Variants in DST observed in about 807,000 individuals in gnomAD.
The protein encoded by DST is dystonin, also known as bullous pemphigoid antigen.
DST carries 253 observed loss-of-function variants against 875.2 expected under a neutral mutation model. The observed-to-expected ratio is 0.29, with a 90% CI of 0.26 to 0.32. The LOEUF (loss-of-function observed/expected upper bound fraction) is 0.32. Ranked by LOEUF, DST falls within the 10% of genes least tolerant of loss-of-function variation. DST has a pLI of 1.00. For synonymous variants in DST, 3,124 were observed against 3,197.1 expected (o/e 0.98, Z 0.77); for missense variants, 8,287 against 9,111.6 (o/e 0.91, Z 3.68).
intron 4 of DST, among the ~76,000 whole-genome samples, chr6:56,739,980 G>C (rs1446622994): frequency 6.6e-6 from 1 of 152,150 alleles, no homozygotes; most frequent in Non-Finnish European, 1.5e-5. Flanking sequence ...TCTTGTCTCA[G>C]CCTCCTGAGT....
intron 2 of DST, among the ~76,000 whole-genome samples, chr6:56,908,478 T>C (rs1197173367): frequency 1.3e-5 from 2 of 152,208 alleles, no homozygotes; most frequent in Non-Finnish European, 1.5e-5. Flanking sequence ...CCAAAAGTCA[T>C]CATAGATTTA....
intron 3 of DST, among the ~76,000 whole-genome samples, chr6:56,880,620 G>A (rs985979179): frequency 5.3e-5 from 8 of 151,290 alleles, no homozygotes; most frequent in African/African-American, 7.3e-5. Flanking sequence ...CCAGGAGGTG[G>A]AGGTTGCAGT....
At chr6:56,786,046 A>G (rs2099704740) in intron 4 of DST, among the ~76,000 whole-genome samples, 1 of 152,170 alleles carries the variant, frequency 6.6e-6, no homozygotes, top group South Asian at 2.1e-4. Flanking sequence ...GCTCATTTTC[A>G]TGTCCCCAGC....
At chr6:56,595,015 A>C (rs1161159139) in intron 47 of DST, among the ~76,000 whole-genome samples, 2 of 152,212 alleles carry the variant, frequency 1.3e-5, no homozygotes, top group African/African-American at 4.8e-5. Context: ...GGCATCAGGT[A>C]GGTGAAGTCC....
In DST at chr6:56,608,747, ATGTTATTCTACCTCCTTCT is replaced by A. The variant is rs755540199; in HGVS notation, c.5862_5880del (p.Gln1954HisfsTer2). ...ATGCTTATGTTTCTTCCACATTTTA[ATGTTATTCTACCTCCTTCT>A]TGTGGTCTCACAGGTAGAAGCCACA... On this transcript the variant is annotated frameshift_variant, in exon 40 of 104. Coordinates refer to ENST00000680361, the MANE Select transcript of DST (RefSeq NM_001374736.1). LOFTEE classifies it high-confidence loss of function. 6.2e-7 allele frequency: 1 copy of A among 1,609,824 alleles called. No homozygotes were observed. Among genetic ancestry groups the A allele is most frequent in the Non-Finnish European group, 8.5e-7 (1 of 1,177,852 alleles).
At chr6:56,465,480 G>A (rs1417254659) in intron 99 of DST, among the ~76,000 whole-genome samples, 2 of 152,012 alleles carry the variant, frequency 1.3e-5, no homozygotes, top group South Asian at 2.1e-4. Context: ...ATTGACAGAA[G>A]GATCTCAAAA....
At chr6:56,567,052 T>C (rs1318978850) in intron 55 of DST, among the ~76,000 whole-genome samples, 1 of 152,160 alleles carries the variant, frequency 6.6e-6, no homozygotes, top group East Asian at 1.9e-4. Flanking sequence ...GGAATAATAA[T>C]ACCTAACTGT....
At chr6:56,773,464 T>C (rs1590003525) in intron 4 of DST, among the ~76,000 whole-genome samples, 1 of 152,024 alleles carries the variant, frequency 6.6e-6, no homozygotes, top group South Asian at 2.1e-4. Flanking sequence ...ATACACTATA[T>C]CTCTAAGTCA....
At chr6:56,541,232 C>G (rs1379713273) in intron 61 of DST, 1 of 152,572 alleles carries the variant, frequency 6.6e-6, no homozygotes, top group East Asian at 1.9e-4. Context: ...AATGATATCA[C>G]TATTTAGTTT....
intron 9 of DST, among the ~76,000 whole-genome samples, chr6:56,688,958 C>G (rs1232855159): frequency 6.6e-6 from 1 of 152,086 alleles, no homozygotes; most frequent in East Asian, 1.9e-4. Context: ...AAATTTAAAA[C>G]TGGAAAAGAG....
intron 5 of DST, among the ~76,000 whole-genome samples, chr6:56,727,660 C>T (rs2099469202): frequency 6.6e-6 from 1 of 152,152 alleles, no homozygotes; most frequent in South Asian, 2.1e-4. Context: ...AAATTTATGG[C>T]TACATAACAA....
rs189007475 is a variant in DST, at chr6:56,778,451, T to C, written c.626-43162A>G. 2.9e-3 allele frequency among the ~76,000 whole-genome samples: 441 copies of C among 151,736 alleles called. 2 individuals carry two copies. The highest frequency in any genetic ancestry group is 4.2e-3 in the Non-Finnish European group (288 of 67,964). ...ACAACGTGCAGGTTAGTTACATATG[T>C]ATACATATGCCATGTTGGTATGCTG... On this transcript the variant is annotated intron_variant, in intron 4 of 103. Transcript: ENST00000680361.
intron 4 of DST, among the ~76,000 whole-genome samples, chr6:56,776,050 T>A (rs949062939): frequency 6.6e-6 from 1 of 152,190 alleles, no homozygotes; most frequent in Non-Finnish European, 1.5e-5. Flanking sequence ...TAATCAAGGA[T>A]AATAACATCA....
intron 59 of DST, among the ~76,000 whole-genome samples, chr6:56,556,216 T>C (rs1172980447): frequency 2.0e-5 from 3 of 152,364 alleles, no homozygotes; most frequent in East Asian, 1.9e-4. Flanking sequence ...GAATACCCTA[T>C]AGAATTTTAT....
At chr6:56,791,208 G>A (rs964011349) in intron 4 of DST, among the ~76,000 whole-genome samples, 3 of 152,062 alleles carry the variant, frequency 2.0e-5, no homozygotes, top group Admixed American at 6.5e-5. Flanking sequence ...GCAGTGAGCC[G>A]AGATGGCACC....
rs1227787068 is a variant in DST at position 56,561,300 on chromosome 6, G to A, written c.14310+8C>T. The A allele has an allele frequency of 1.9e-6, 3 of 1,607,206 alleles. No homozygotes were observed. The highest frequency in any genetic ancestry group is 2.6e-6 in the Non-Finnish European group (3 of 1,176,194). Reference sequence around the variant, plus strand: ...CATGTCTTCCATAGGTGCACCCACAGAATATACCTTATTCTGCTCAACTTG... The same window carrying A: ...CATGTCTTCCATAGGTGCACCCACAAAATATACCTTATTCTGCTCAACTTG... On this transcript the variant is annotated splice_region_variant and intron_variant, in intron 57 of 103. Coordinates refer to ENST00000680361, the MANE Select transcript of DST (RefSeq NM_001374736.1).
chr6:56,631,148 T>C (rs1410955720), intron 30 of DST, 63 bp downstream of exon 30: 5 of 741,906 alleles, frequency 6.7e-6, no homozygotes, highest in Non-Finnish European at 9.7e-6. Context: ...AATTTTAAAT[T>C]AATAGTAAAT....
In DST at chr6:56,918,751, G is replaced by A. The variant is rs58655846; in HGVS notation, c.217-18130C>T. On this transcript the variant is annotated intron_variant, in intron 2 of 103. Transcript: ENST00000680361. ...TCTGTTGCCTATGTGATGGACAAAA[G>A]GCATTTTGGCATGCACCTGTAATCC... Among the ~76,000 whole-genome samples, 1,408 of 152,172 alleles carry A rather than the reference G, an allele frequency of 9.3e-3. 23 individuals are homozygous for A. Among genetic ancestry groups the A allele is most frequent in the African/African-American group, 0.032 (1,316 of 41,492 alleles).
intron 2 of DST, among the ~76,000 whole-genome samples, chr6:56,951,082 T>G (rs1005943002): frequency 6.6e-6 from 1 of 152,180 alleles, no homozygotes; most frequent in African/African-American, 2.4e-5. Flanking sequence ...TCTGACTACC[T>G]GAAAAGGAAC....
Sources: gnomAD v4.1 joint callset for allele counts (sites outside exome capture counted in the v4.1 genomes callset) on GRCh38, gnomAD v4.1.1 for gene constraint, MANE v1.5 for transcripts, NCBI Gene and HGNC (gene_info 2026-07-23, HGNC 2026-07-21) for gene names.